The following SMOC2 variants were observed in gnomAD, a reference collection of about 807,000 sequenced individuals.
The protein encoded by SMOC2 is SPARC related modular calcium binding 2, also known as SPARC-related modular calcium-binding protein 2.
In SMOC2, 39 loss-of-function variants were observed where a neutral mutation model predicts 61.4. The observed-to-expected ratio is 0.64, with a 90% CI of 0.49 to 0.83. The LOEUF (loss-of-function observed/expected upper bound fraction) is 0.83. Ranked by LOEUF, SMOC2 falls within the 40% of genes least tolerant of loss-of-function variation. SMOC2 has a pLI of 0.00. For synonymous variants in SMOC2, 247 were observed against 239.9 expected (o/e 1.03, Z -0.27); for missense variants, 556 against 592.9 (o/e 0.94, Z 0.65).
intron 1 of SMOC2, among the ~76,000 whole-genome samples, chr6:168,494,305 GC>G (rs1256234227): frequency 6.6e-6 from 1 of 152,180 alleles, no homozygotes; most frequent in Non-Finnish European, 1.5e-5. Context: ...CAGTGGTAGG[GC>G]AGGCATGTGA....
At chr6:168,521,307 C>G (rs912415771) in intron 2 of SMOC2, among the ~76,000 whole-genome samples, 8 of 152,148 alleles carry the variant, frequency 5.3e-5, no homozygotes, top group African/African-American at 1.9e-4. Flanking sequence ...CACCACCAAA[C>G]CTGGCTAATT....
At chr6:168,550,245 A>G (rs903128873) in intron 7 of SMOC2, among the ~76,000 whole-genome samples, 1 of 152,220 alleles carries the variant, frequency 6.6e-6, no homozygotes, top group Non-Finnish European at 1.5e-5. Context: ...TTCTGCGATC[A>G]GCTTTGGGTG....
chr6:168,618,079 T>C (rs7775727), intron 9 of SMOC2, among the ~76,000 whole-genome samples: 42,019 of 152,256 alleles, frequency 0.28, 5,991 homozygotes, highest in African/African-American at 0.33. Flanking sequence ...GGCGTGTTAT[T>C]AGCCGCAAGG....
At chr6:168,587,607 G>A (rs543222056) in intron 7 of SMOC2, among the ~76,000 whole-genome samples, 8 of 152,318 alleles carry the variant, frequency 5.3e-5, no homozygotes, top group East Asian at 1.9e-4. Context: ...AGTCGCTTCC[G>A]CCCTAGTCTG....
In SMOC2 at chr6:168,476,503, T is replaced by C. The variant is rs547789455; in HGVS notation, c.85-33412T>C. ...GTGTATGTGTGTGTGTGTGTGTCTA[T>C]GTATGGTATACATAAAATTGGGGTC... On this transcript the variant is annotated intron_variant, in intron 1 of 12. Transcript: ENST00000356284. Among the ~76,000 whole-genome samples the C allele has an allele frequency of 4.5e-4, 68 of 152,066 alleles. 1 individual carries two copies. Among genetic ancestry groups the C allele is most frequent in the Non-Finnish European group, 8.7e-4 (59 of 67,986 alleles).
chr6:168,441,445 G>T lies in SMOC2; in HGVS notation c.75G>T (p.Ser25=). 6.6e-7 allele frequency: 1 copy of T among 1,507,536 alleles called. No individual in the cohort carries two copies. The allele number at this position is 1,507,536 out of a possible 1,614,324, so 93.4% of individuals were successfully genotyped here. Residue 25 remains serine, a synonymous_variant, in exon 1 of 13, where the codon TCG becomes TCT. Transcript: ENST00000356284. ...CGCCGGTGCCCGCTCAGAAGTTCTC[G>T]GCGCTCACGGTAAGCCCGGGCCCGC... The part of the protein sequence containing the change: ...LLPPVPAQKF[S]ALTFLRVDQD...
intron 2 of SMOC2, among the ~76,000 whole-genome samples, chr6:168,510,734 A>C (rs1782987413): frequency 2.6e-5 from 4 of 152,244 alleles, no homozygotes. Flanking sequence ...ACAAAACAGC[A>C]GCCACACTGC....
In SMOC2 at chr6:168,535,307, A is replaced by AT. The variant is rs199691662; in HGVS notation, c.463+7586dup. On this transcript the variant is annotated intron_variant, in intron 4 of 12. Transcript: ENST00000356284. The surrounding 1 kb of genome is among the most constrained non-coding windows in gnomAD (Gnocchi z 4.6). ...TTATGTACATAAAAACAAGTATATT[A>AT]TTTTTTCTTCTAATTATTTTTTGGA... 7.0e-4 allele frequency among the ~76,000 whole-genome samples: 106 copies of AT among 152,088 alleles called. 2 individuals carry two copies. The East Asian group carries it at 0.019, about 28-fold the overall frequency.
intron 1 of SMOC2, among the ~76,000 whole-genome samples, chr6:168,483,840 A>G (rs1258205004): frequency 6.6e-6 from 1 of 152,182 alleles, no homozygotes. Context: ...ATTCGTTGGA[A>G]AGAGGACAGT....
chr6:168,464,224 AG>A (rs1781776926), intron 1 of SMOC2, among the ~76,000 whole-genome samples: 1 of 150,982 alleles, frequency 6.6e-6, no homozygotes, highest in Admixed American at 6.6e-5. Flanking sequence ...AAAGGAAGGA[AG>A]GAAGAAAAGG....
At chr6:168,627,898 G>A (rs1178604657) in intron 9 of SMOC2, among the ~76,000 whole-genome samples, 1 of 152,218 alleles carries the variant, frequency 6.6e-6, no homozygotes, top group Non-Finnish European at 1.5e-5. Context: ...CACAGGAGGG[G>A]CCCTCACACA....
intron 12 of SMOC2, chr6:168,664,379 T>C (rs1228762030): frequency 2.3e-6 from 1 of 440,782 alleles, no homozygotes; most frequent in South Asian, 1.9e-5. Flanking sequence ...CCTTGTTTGG[T>C]AGATCTTTTT....
intron 7 of SMOC2, among the ~76,000 whole-genome samples, chr6:168,572,027 C>G (rs1468298299): frequency 2.2e-4 from 8 of 35,864 alleles, no homozygotes; most frequent in African/African-American, 1.5e-3. Flanking sequence ...GGGCTGCGTG[C>G]TCCCTGAACG....
At chr6:168,605,716 A>T (rs1785669541) in intron 8 of SMOC2, among the ~76,000 whole-genome samples, 1 of 152,208 alleles carries the variant, frequency 6.6e-6, no homozygotes, top group Admixed American at 6.5e-5. Flanking sequence ...GAAATGATCT[A>T]GTCTCGTGCC....
chr6:168,490,573 A>G (rs1232315), intron 1 of SMOC2, among the ~76,000 whole-genome samples: 102,338 of 152,034 alleles, frequency 0.67, 34,795 homozygotes, highest in African/African-American at 0.77. Context: ...TTTAGCCTTG[A>G]TAGGATCTTA....
At chr6:168,658,896 A>ATGTGTGGTG (rs758722156) in intron 11 of SMOC2, among the ~76,000 whole-genome samples, 1 of 142,732 alleles carries the variant, frequency 7.0e-6, no homozygotes, top group African/African-American at 2.6e-5. Context: ...GAGTATGTGT[A>ATGTGTGGTG]TGTGTGGTGT....
intron 7 of SMOC2, 56 bp from the exon 8 acceptor site, chr6:168,598,762 C>A: frequency 6.3e-7 from 1 of 1,583,480 alleles, no homozygotes; most frequent in South Asian, 1.1e-5. Context: ...AAGAGCTCTG[C>A]ATGTGGGACG....
intron 8 of SMOC2, among the ~76,000 whole-genome samples, chr6:168,604,196 G>A (rs1024086017): frequency 1.8e-4 from 28 of 152,174 alleles, no homozygotes; most frequent in African/African-American, 5.8e-4. Context: ...ATGCCACAGT[G>A]CTCAGAGGAC....
At position 168,652,980 on chromosome 6, in the gene SMOC2, C is replaced by A. The variant is rs1033421385; in HGVS notation, c.1037C>A (p.Thr346Asn). The A allele has an allele frequency of 6.2e-7, 1 of 1,613,848 alleles. No homozygotes were observed. The change falls in exon 11 of 13, where the codon ACC (threonine) becomes AAC (asparagine). Residue 346 changes from threonine (T) to asparagine (N), a missense_variant. Transcript: ENST00000356284. ...GRLSEPDPSH[T>N]LEERVVHWYF... Reference sequence around the variant, plus strand: ...CTCTCAGAACCCGACCCCAGCCATACCCTAGAGGAGCGGGTGGTGCACTGG... The same window carrying A: ...CTCTCAGAACCCGACCCCAGCCATAACCTAGAGGAGCGGGTGGTGCACTGG...
Sources: gnomAD v4.1 joint callset for allele counts (sites outside exome capture counted in the v4.1 genomes callset) on GRCh38, gnomAD v4.1.1 for gene constraint, Gnocchi (gnomAD v3.1) non-coding constraint, MANE v1.5 for transcripts, NCBI Gene and HGNC (gene_info 2026-07-23, HGNC 2026-07-21) for gene names.